The following CD274 variants were observed in gnomAD, a reference collection of about 807,000 sequenced individuals.
The protein encoded by CD274 is CD274 molecule, also known as programmed cell death 1 ligand 1.
A neutral mutation model predicts 30.1 loss-of-function variants in CD274; 8 were observed. The observed-to-expected ratio is 0.27, with a 90% CI of 0.16 to 0.48. The LOEUF is 0.48. Among genes scored for constraint, CD274 ranks in the 20% least tolerant of loss-of-function variants. The pLI, the probability that CD274 is intolerant of heterozygous loss-of-function variation, is 0.99. For missense variants in CD274, 353 were observed against 346.6 expected (o/e 1.02, Z -0.15); for synonymous variants, 152 against 124.6 (o/e 1.22, Z -1.46).
chr9:5,465,640 G>A (rs1479788396), intron 5 of CD274, 34 bp downstream of exon 5: 1 of 1,253,588 alleles, frequency 8.0e-7, no homozygotes. Flanking sequence ...GTCTCCACTG[G>A]GGGTGAGGAA....
intron 4 of CD274, among the ~76,000 whole-genome samples, chr9:5,463,595 A>T (rs1404415696): frequency 1.3e-5 from 2 of 152,094 alleles, no homozygotes; most frequent in Non-Finnish European, 2.9e-5. Flanking sequence ...AATGGAACAT[A>T]TTTTTCTATC....
In CD274 at chr9:5,468,913, G is replaced by T. The variant is rs1819541506; in HGVS notation, c.*1051G>T. The T allele has an allele frequency of 4.3e-6, 1 of 233,014 alleles. No individual in the cohort carries two copies. The highest frequency in any genetic ancestry group is 8.5e-6 in the Non-Finnish European group (1 of 117,946). The allele number at this position is 233,014 out of a possible 1,614,324, so 14.4% of individuals were successfully genotyped here. A position where few individuals can be genotyped will look rare whatever the true frequency, so the allele number is the denominator to read the frequency against. On this transcript the variant is annotated 3_prime_UTR_variant, in exon 7 of 7. Coordinates refer to ENST00000381577, the MANE Select transcript of CD274 (RefSeq NM_014143.4). Reference sequence around the variant, plus strand: ...AATATCAATCGCTGTGCCAGGCATTGAATCTACAGATGTGAGCAAGACAAA... The same window carrying T: ...AATATCAATCGCTGTGCCAGGCATTTAATCTACAGATGTGAGCAAGACAAA...
At chr9:5,467,588 T>C (rs1007321421) in intron 6 of CD274, among the ~76,000 whole-genome samples, 4 of 152,158 alleles carry the variant, frequency 2.6e-5, no homozygotes, top group African/African-American at 7.2e-5. Context: ...ATCATCTGTG[T>C]TGTAAAGCTA....
At chr9:5,460,600 AAATGAT>A (rs1438137210) in intron 3 of CD274, among the ~76,000 whole-genome samples, 1 of 152,190 alleles carries the variant, frequency 6.6e-6, no homozygotes, top group Non-Finnish European at 1.5e-5. Flanking sequence ...CCAGCCTAGA[AAATGAT>A]AAAGCTAGTT....
Position 5,466,840 on chromosome 9 carries a change from C to T in CD274, c.850+11C>T, listed in dbSNP as rs1819504718. On this transcript the variant is annotated intron_variant, in intron 6 of 6. Coordinates refer to ENST00000381577, the MANE Select transcript of CD274 (RefSeq NM_014143.4). ...CAAAGAAGCAAAGTGGTAAGAATAT[C>T]AGAAGGAATTGGGAAGTAAAAGTCA... The T allele has an allele frequency of 1.3e-6, 2 of 1,597,096 alleles. No individual in the cohort carries two copies. The highest frequency in any genetic ancestry group is 1.7e-6 in the Non-Finnish European group (2 of 1,168,060).
At chr9:5,452,444 C>T (rs2131203350) in intron 1 of CD274, among the ~76,000 whole-genome samples, 2 of 152,334 alleles carry the variant, frequency 1.3e-5, no homozygotes, top group South Asian at 4.1e-4. Context: ...CCTGAATGAG[C>T]CATCACTTCT....
rs1474753469 is a variant in CD274 at position 5,457,173 on chromosome 9, C to T, written c.147C>T (p.Asp49=). The T allele has an allele frequency of 1.2e-6, 2 of 1,613,290 alleles. No homozygotes were observed. The highest frequency in any genetic ancestry group is 2.2e-5 in the East Asian group (1 of 44,880). Residue 49 remains aspartate (D), a synonymous_variant, in exon 3 of 7, where the codon GAC becomes GAT. Transcript: ENST00000381577. ...ECKFPVEKQL[D]LAALIVYWEM... ...AATTCCCAGTAGAAAAACAATTAGACCTGGCTGCACTAATTGTCTATTGGG... is the reference window on the plus strand; with the variant it reads ...AATTCCCAGTAGAAAAACAATTAGATCTGGCTGCACTAATTGTCTATTGGG...
At chr9:5,458,315 T>C (rs1422233504) in intron 3 of CD274, among the ~76,000 whole-genome samples, 1 of 152,220 alleles carries the variant, frequency 6.6e-6, no homozygotes, top group Non-Finnish European at 1.5e-5. Context: ...GAGGATCTTC[T>C]GTTCTTATAT....
intron 3 of CD274, 88 bp downstream of exon 3, chr9:5,457,508 T>C: frequency 9.7e-7 from 1 of 1,033,440 alleles, no homozygotes; most frequent in Non-Finnish European, 1.4e-6. Flanking sequence ...AGTCCATACT[T>C]ATTTTCAAAC....
At chr9:5,458,655 G>T (rs765670948) in intron 3 of CD274, among the ~76,000 whole-genome samples, 1 of 152,156 alleles carries the variant, frequency 6.6e-6, no homozygotes, top group Non-Finnish European at 1.5e-5. Context: ...ATCATGTGGG[G>T]ATTAAGAGAA....
At chr9:5,452,636 C>T (rs1292127371) in intron 1 of CD274, among the ~76,000 whole-genome samples, 2 of 152,168 alleles carry the variant, frequency 1.3e-5, no homozygotes, top group Non-Finnish European at 2.9e-5. Context: ...TCTGCCTTTT[C>T]GTCCCTCACT....
At chr9:5,463,960 T>G (rs898441261) in intron 4 of CD274, among the ~76,000 whole-genome samples, 1 of 152,098 alleles carries the variant, frequency 6.6e-6, no homozygotes, top group South Asian at 2.1e-4. Context: ...ATATTTAATA[T>G]AAACACAAAG....
chr9:5,459,801 T>A (rs1819372789), intron 3 of CD274, among the ~76,000 whole-genome samples: 1 of 152,098 alleles, frequency 6.6e-6, no homozygotes, highest in African/African-American at 2.4e-5. Flanking sequence ...TCAATGAGAT[T>A]AGGCAGCTGA....
intron 4 of CD274, among the ~76,000 whole-genome samples, chr9:5,464,960 A>G (rs184504634): frequency 6.6e-6 from 1 of 151,978 alleles, no homozygotes; most frequent in African/African-American, 2.4e-5. Context: ...GGTGGTGTGC[A>G]CCTGTAATCC....
chr9:5,450,743 A>G (rs1342855754), intron 1 of CD274, 147 bp downstream of exon 1: 1 of 152,360 alleles, frequency 6.6e-6, no homozygotes, highest in Non-Finnish European at 1.5e-5. Context: ...AGGGGGCAGT[A>G]GAGCCAATTA....
intron 6 of CD274, 139 bp from the exon 7 acceptor site, chr9:5,467,701 T>C (rs1271588654): frequency 8.8e-6 from 7 of 791,204 alleles, no homozygotes; most frequent in African/African-American, 1.7e-5. Flanking sequence ...TGGGTACAAA[T>C]ATAACCTGCT....
At chr9:5,454,295 T>G (rs1026914711) in intron 1 of CD274, among the ~76,000 whole-genome samples, 1 of 152,250 alleles carries the variant, frequency 6.6e-6, no homozygotes, top group East Asian at 1.9e-4. Flanking sequence ...TTTTCCTTCC[T>G]TTTTTCCCTT....
At chr9:5,453,460 G>A (rs79855302) in intron 1 of CD274, among the ~76,000 whole-genome samples, 4,674 of 152,006 alleles carry the variant, frequency 0.031, 86 homozygotes, top group Non-Finnish European at 0.044. Context: ...CTATCCTCAG[G>A]GCCTAGCCTG....
At position 5,468,538 on chromosome 9, in the gene CD274, G is replaced by T. The variant is rs1332990575; in HGVS notation, c.*676G>T. On this transcript the variant is annotated 3_prime_UTR_variant, in exon 7 of 7. Transcript: ENST00000381577. ...TGGAAGCATAAAGATCAAACCGTTGGTTGCATAGGATGTCACCTTTATTTA... is the reference window on the plus strand; with the variant it reads ...TGGAAGCATAAAGATCAAACCGTTGTTTGCATAGGATGTCACCTTTATTTA... The T allele has an allele frequency of 4.3e-6, 1 of 232,890 alleles. No homozygotes were observed. Among genetic ancestry groups the T allele is most frequent in the African/African-American group, 2.2e-5 (1 of 45,316 alleles). The allele number at this position is 232,890 out of a possible 1,614,324, so 14.4% of individuals were successfully genotyped here.
Sources: gnomAD v4.1 joint callset for allele counts (sites outside exome capture counted in the v4.1 genomes callset) on GRCh38, gnomAD v4.1.1 for gene constraint, MANE v1.5 for transcripts, NCBI Gene and HGNC (gene_info 2026-07-23, HGNC 2026-07-21) for gene names.